The following IL2RA variants were observed in gnomAD, a reference collection of about 807,000 sequenced individuals.
IL2RA encodes the protein interleukin-2 receptor subunit alpha.
In IL2RA, 24 loss-of-function variants were observed where a neutral mutation model predicts 37.8. The observed-to-expected ratio is 0.63, with a 90% confidence interval of 0.46 to 0.89. The LOEUF (loss-of-function observed/expected upper bound fraction) is 0.89, where lower values mean the gene tolerates loss of function less well. Among genes scored for constraint, IL2RA ranks in the 40% least tolerant of loss-of-function variants. The probability of loss-of-function intolerance (pLI) is 0.00; values close to 1 mark genes in which losing one functional copy is unlikely to be tolerated. For missense variants in IL2RA, 319 were observed against 348.6 expected, an observed-to-expected ratio of 0.92 and a Z score of 0.68; for synonymous variants, 125 against 114.6, an observed-to-expected ratio of 1.09 and a Z score of -0.58.
Position 6,033,510 on chromosome 10 carries a change from G to T in IL2RA, c.65-7485C>A, listed in dbSNP as rs1294930561. ...GCCCCTTCCATTCTAGTACATAGTA[G>T]CTTTATTAATAATAACCAACTCAAT... On this transcript the variant is annotated intron_variant, in intron 1 of 7. Coordinates refer to ENST00000379959, the MANE Select transcript of IL2RA (RefSeq NM_000417.3). This position sits in a 1 kb window ranked among gnomAD's most constrained non-coding sequence, Gnocchi z 4.3. 1.3e-5 allele frequency among the ~76,000 whole-genome samples: 2 copies of T among 151,986 alleles called. No homozygotes were observed. Among genetic ancestry groups the T allele is most frequent in the Non-Finnish European group, 1.5e-5 (1 of 68,002 alleles).
rs749841883 is a variant in IL2RA, at chr10:6,018,007, A to T, written c.794+46T>A. The T allele has an allele frequency of 2.6e-6, 4 of 1,529,900 alleles. No homozygotes were observed. In the South Asian group the frequency reaches 4.6e-5, roughly 17 times the overall value. 94.8% of individuals were successfully genotyped at this position (1,529,900 alleles called of 1,614,324 possible). A position where few individuals can be genotyped will look rare whatever the true frequency, so the allele number is the denominator to read the frequency against. On this transcript the variant is annotated intron_variant, in intron 7 of 7. Transcript: ENST00000379959. This position sits in a 1 kb window ranked among gnomAD's most constrained non-coding sequence, Gnocchi z 5.1. ...GGGGAGGCAGGGTGGGGCTGGGTAC[A>T]GGACTTTGATCTGACCAAGGGCTGC...
chr10:6,038,693 G>T (rs1839726729), intron 1 of IL2RA, among the ~76,000 whole-genome samples: 2 of 152,232 alleles, frequency 1.3e-5, no homozygotes, highest in African/African-American at 4.8e-5. Flanking sequence ...CAAGGAGGAA[G>T]AGGAGGGAAC....
rs1839205604 is a variant in IL2RA, at chr10:6,012,465, C to T, written c.*407G>A. ...TTGTGTATTTACGTTAGTGCTGGGG[C>T]TTTCCTTGGGACTCCTGAACTGGGA... On this transcript the variant is annotated 3_prime_UTR_variant, in exon 8 of 8. Transcript: ENST00000379959. This position sits in a 1 kb window ranked among gnomAD's most constrained non-coding sequence, Gnocchi z 4.8. 5 of 281,588 alleles carry T rather than the reference C, an allele frequency of 1.8e-5. No individual in the cohort carries two copies. The highest frequency in any genetic ancestry group is 2.8e-5 in the Non-Finnish European group (4 of 144,748). 17.4% of individuals were successfully genotyped at this position (281,588 alleles called of 1,614,324 possible). A position where few individuals can be genotyped will look rare whatever the true frequency, so the allele number is the denominator to read the frequency against.
At chr10:6,053,040 C>A (rs913236362) in intron 1 of IL2RA, among the ~76,000 whole-genome samples, 5 of 152,302 alleles carry the variant, frequency 3.3e-5, no homozygotes, top group South Asian at 2.1e-4. Flanking sequence ...TCTGTGGGTA[C>A]CGCCTCACTG....
At chr10:6,059,214 A>G (rs1840089716) in intron 1 of IL2RA, among the ~76,000 whole-genome samples, 1 of 152,126 alleles carries the variant, frequency 6.6e-6, no homozygotes, top group Admixed American at 6.5e-5. Context: ...GAGCCTCATG[A>G]CCTGTCTCTG....
Position 6,044,767 on chromosome 10 carries a change from A to G in IL2RA, c.64+17321T>C, listed in dbSNP as rs1839824810. Among the ~76,000 whole-genome samples, 1 of 152,206 alleles carries G rather than the reference A, an allele frequency of 6.6e-6. No individual in the cohort carries two copies. Among genetic ancestry groups the G allele is most frequent in the South Asian group, 2.1e-4 (1 of 4,832 alleles). The stretch of plus-strand genomic sequence containing the variant: ...GACAGTGCAAAATATAAGTGGTGGT[A>G]TAGGGACTTCACCTCCCACTCCCCC... On this transcript the variant is annotated intron_variant, in intron 1 of 7. Transcript: ENST00000379959. The surrounding 1 kb of genome is among the most constrained non-coding windows in gnomAD (Gnocchi z 4.5).
chr10:6,049,338 C>T (rs1839911912), intron 1 of IL2RA, among the ~76,000 whole-genome samples: 1 of 152,200 alleles, frequency 6.6e-6, no homozygotes. Flanking sequence ...ATCCCCACCA[C>T]ACTGGTGAGG....
intron 5 of IL2RA, 77 bp from the exon 6 acceptor site, chr10:6,019,576 G>T (rs1839345808): frequency 1.8e-6 from 2 of 1,114,730 alleles, no homozygotes; most frequent in East Asian, 4.7e-5. Context: ...AAGTCAGGGT[G>T]TCTCTGTGAA....
chr10:6,049,754 T>C (rs1296074724), intron 1 of IL2RA, among the ~76,000 whole-genome samples: 1 of 152,230 alleles, frequency 6.6e-6, no homozygotes. Flanking sequence ...TGCAAAGGTT[T>C]TCGTAAAGGA....
chr10:6,027,148 C>T (rs41294693), intron 1 of IL2RA, among the ~76,000 whole-genome samples: 75 of 152,182 alleles, frequency 4.9e-4, no homozygotes, highest in Admixed American at 9.2e-4. Flanking sequence ...ATGGTGAAAA[C>T]CACAGTCTCT....
In IL2RA at chr10:6,018,367, C is replaced by A. The variant is rs1317390571; in HGVS notation, c.728-248G>T. On this transcript the variant is annotated intron_variant, in intron 6 of 7. Transcript: ENST00000379959. The surrounding 1 kb of genome is among the most constrained non-coding windows in gnomAD (Gnocchi z 5.1). ...AGGAGGCACCCTTCTCTCACAAAAG[C>A]CCCTCAGAAAGGCTCAGAGGCCAGG... is the stretch of plus-strand genomic sequence containing the variant. Among the ~76,000 whole-genome samples, 1 of 152,120 alleles carries A rather than the reference C, an allele frequency of 6.6e-6. No individual in the cohort carries two copies. The highest frequency in any genetic ancestry group is 1.5e-5 in the Non-Finnish European group (1 of 68,018).
Position 6,057,944 on chromosome 10 carries a change from G to T in IL2RA, c.64+4144C>A, listed in dbSNP as rs965170096. On this transcript the variant is annotated intron_variant, in intron 1 of 7. Transcript: ENST00000379959. This position sits in a 1 kb window ranked among gnomAD's most constrained non-coding sequence, Gnocchi z 4.8. ...AGTTCGAGACCAGCCTGGCCAACTT[G>T]GTGAAACCCCGTCTCTACTAAAAAT... 2.0e-5 allele frequency among the ~76,000 whole-genome samples: 3 copies of T among 152,168 alleles called. No homozygotes were observed. The highest frequency in any genetic ancestry group is 4.4e-5 in the Non-Finnish European group (3 of 68,032).
intron 1 of IL2RA, among the ~76,000 whole-genome samples, chr10:6,043,612 A>G (rs1839806333): frequency 6.6e-6 from 1 of 151,976 alleles, no homozygotes; most frequent in African/African-American, 2.4e-5. Context: ...TAATTTTTGT[A>G]TTTTTAGTAG....
intron 1 of IL2RA, among the ~76,000 whole-genome samples, chr10:6,060,328 G>A (rs1333161332): frequency 6.6e-6 from 1 of 152,126 alleles, no homozygotes; most frequent in African/African-American, 2.4e-5. Context: ...CTCAGGTGAT[G>A]GGTGCACCAA....
chr10:6,026,584 G>C (rs7078547), intron 1 of IL2RA, among the ~76,000 whole-genome samples: 150,529 of 152,298 alleles, frequency 0.99, 74,423 homozygotes, highest in East Asian at 1. Flanking sequence ...GAAGACCTTA[G>C]CCTCCCTCAG....
rs1224672571 is a variant in IL2RA, at chr10:6,029,906, T to C, written c.65-3881A>G. Among the ~76,000 whole-genome samples the C allele has an allele frequency of 6.6e-6, 1 of 151,946 alleles. No homozygotes were observed. The highest frequency in any genetic ancestry group is 2.4e-5 in the African/African-American group (1 of 41,352). ...TTTTAGTAGAGATGGGGTTTCACCATGTTGACCAGGCTGGTCTCGAATTCC... is the reference window on the plus strand; with the variant it reads ...TTTTAGTAGAGATGGGGTTTCACCACGTTGACCAGGCTGGTCTCGAATTCC... On this transcript the variant is annotated intron_variant, in intron 1 of 7. Coordinates refer to ENST00000379959, the MANE Select transcript of IL2RA (RefSeq NM_000417.3). This position sits in a 1 kb window ranked among gnomAD's most constrained non-coding sequence, Gnocchi z 4.6.
At chr10:6,027,719 C>T (rs1312864937) in intron 1 of IL2RA, among the ~76,000 whole-genome samples, 1 of 152,146 alleles carries the variant, frequency 6.6e-6, no homozygotes, top group African/African-American at 2.4e-5. Context: ...TCCTTTTTCT[C>T]ACTGTCCAGA....
intron 1 of IL2RA, among the ~76,000 whole-genome samples, chr10:6,049,083 T>C (rs925790495): frequency 6.6e-6 from 1 of 152,224 alleles, no homozygotes; most frequent in African/African-American, 2.4e-5. Context: ...CACTCAATTA[T>C]GGAGGCTGAG....
At position 6,012,815 on chromosome 10, in the gene IL2RA, T is replaced by C; in HGVS notation, c.*57A>G. 1 of 1,570,476 alleles carries C rather than the reference T, an allele frequency of 6.4e-7. No homozygotes were observed. The highest frequency in any genetic ancestry group is 1.1e-5 in the South Asian group (1 of 90,144). On this transcript the variant is annotated 3_prime_UTR_variant, in exon 8 of 8. Coordinates refer to ENST00000379959, the MANE Select transcript of IL2RA (RefSeq NM_000417.3). The surrounding 1 kb of genome is among the most constrained non-coding windows in gnomAD (Gnocchi z 4.8). ...CACCTTTGATTTCACTTGGGCTTCATGACTTCTGTTGTCTGTTCCCGGCTT... is the reference window on the plus strand; with the variant it reads ...CACCTTTGATTTCACTTGGGCTTCACGACTTCTGTTGTCTGTTCCCGGCTT...
Sources: gnomAD v4.1 joint callset for allele counts (sites outside exome capture counted in the v4.1 genomes callset) on GRCh38, gnomAD v4.1.1 for gene constraint, Gnocchi (gnomAD v3.1) non-coding constraint, MANE v1.5 for transcripts, NCBI Gene and HGNC (gene_info 2026-07-23, HGNC 2026-07-21) for gene names.